Variants in PHF24 observed in about 807,000 individuals in gnomAD.
PHF24 encodes PHD finger protein 24, also known as Galpha inhibitory interacting protein.
Under a neutral mutation model 42.6 loss-of-function variants are expected in PHF24, and 25 were observed. The ratio of observed to expected loss-of-function variants is 0.59; its 90% CI spans 0.43 to 0.82. The LOEUF is 0.82. Among genes scored for constraint, PHF24 ranks in the 40% least tolerant of loss-of-function variants. The probability of loss-of-function intolerance (pLI) is 0.00; values close to 1 mark genes in which losing one functional copy is unlikely to be tolerated. For synonymous variants in PHF24, 185 were observed against 204.8 expected (o/e 0.90, Z 0.83); for missense variants, 470 against 538.1 (o/e 0.87, Z 1.25).
At chr9:34,953,872 G>T (rs1442115235), upstream of PHF24, among the ~76,000 whole-genome samples, 1 of 152,094 alleles carries the variant, frequency 6.6e-6, no homozygotes, top group Non-Finnish European at 1.5e-5. This position sits in a 1 kb window ranked among gnomAD's most constrained non-coding sequence, Gnocchi z 4.1. Flanking sequence ...GGAGGTCAAG[G>T]CTGCAGTGAG....
the PHF24 span, among the ~76,000 whole-genome samples, chr9:34,780,774 C>T: frequency 6.6e-6 from 1 of 152,000 alleles, no homozygotes; most frequent in African/African-American, 2.4e-5. Flanking sequence ...AAAATAAACC[C>T]CAACTTTTAA....
At position 34,976,311 on chromosome 9, in the gene PHF24, G is replaced by C; in HGVS notation, c.643+81G>C. ...GGCTTTCTAGAATGAACCATGAAAG[G>C]AGTGTTCCATATTTAGTGGGTAGAG... On this transcript the variant is annotated intron_variant, in intron 4 of 7. Transcript: ENST00000242315. 4 of 1,270,968 alleles carry C rather than the reference G, an allele frequency of 3.1e-6. No individual in the cohort carries two copies. In the East Asian group the frequency reaches 9.2e-5, roughly 29 times the overall value. The allele number at this position is 1,270,968 out of a possible 1,614,324, so 78.7% of individuals were successfully genotyped here.
chr9:34,977,958 C>G, intron 7 of PHF24, 57 bp from the exon 8 acceptor site: 1 of 1,343,478 alleles, frequency 7.4e-7, no homozygotes, highest in Non-Finnish European at 1.1e-6. Context: ...CCCCTGGGAT[C>G]AGGGCTCACG....
chr9:34,933,840 C>G, the PHF24 span, among the ~76,000 whole-genome samples: 1 of 151,380 alleles, frequency 6.6e-6, no homozygotes, highest in Non-Finnish European at 1.5e-5. Flanking sequence ...GTGGCATGAT[C>G]TTGGCTCACT....
intron 2 of PHF24, among the ~76,000 whole-genome samples, chr9:34,971,906 C>G (rs1373464273): frequency 6.6e-6 from 1 of 152,144 alleles, no homozygotes; most frequent in Non-Finnish European, 1.5e-5. Context: ...GGTCTTCTGT[C>G]GAACCTCCCC....
the PHF24 span, among the ~76,000 whole-genome samples, chr9:34,711,647 A>G: frequency 2.7e-5 from 4 of 150,360 alleles, no homozygotes; most frequent in African/African-American, 9.8e-5. Context: ...GGTTCAAGCC[A>G]TTCTCCTGCC....
At chr9:34,835,120 AG>A in the PHF24 span, 2 of 1,537,070 alleles carry the variant, frequency 1.3e-6, no homozygotes, top group Non-Finnish European at 1.8e-6. Flanking sequence ...CTAGAGCCAT[AG>A]GGTTTGGAGT....
At chr9:34,707,390 A>T in the PHF24 span, among the ~76,000 whole-genome samples, 1 of 152,220 alleles carries the variant, frequency 6.6e-6, no homozygotes, top group South Asian at 2.1e-4. Context: ...AACCCTTGGC[A>T]GGTGGGATCC....
the PHF24 span, among the ~76,000 whole-genome samples, chr9:34,738,296 A>C: frequency 4.6e-5 from 7 of 152,186 alleles, no homozygotes; most frequent in Non-Finnish European, 8.8e-5. Flanking sequence ...TCAACAATAG[A>C]TATCAAAGCA....
chr9:34,761,473 A>C, the PHF24 span, among the ~76,000 whole-genome samples: 1 of 152,226 alleles, frequency 6.6e-6, no homozygotes, highest in Admixed American at 6.5e-5. Context: ...TAAATGGATA[A>C]ATACCGTAGT....
At chr9:34,869,802 G>A in the PHF24 span, among the ~76,000 whole-genome samples, 11 of 152,026 alleles carry the variant, frequency 7.2e-5, no homozygotes, top group Non-Finnish European at 1.0e-4. Context: ...ATAGCCAGAT[G>A]ACCCTAATCT....
At chr9:34,672,684 A>G in the PHF24 span, among the ~76,000 whole-genome samples, 1 of 152,020 alleles carries the variant, frequency 6.6e-6, no homozygotes, top group South Asian at 2.1e-4. Flanking sequence ...ATAATAACCC[A>G]TTACTCCATG....
chr9:34,865,724 G>A, the PHF24 span, among the ~76,000 whole-genome samples: 1 of 152,220 alleles, frequency 6.6e-6, no homozygotes, highest in African/African-American at 2.4e-5. Flanking sequence ...CAAGGTATCA[G>A]CCCAGGGTCT....
chr9:34,768,828 A>T, the PHF24 span, among the ~76,000 whole-genome samples: 29,412 of 151,900 alleles, frequency 0.19, 3,286 homozygotes, highest in African/African-American at 0.3. Context: ...ACTATTGGAA[A>T]GTGGTATGAC....
the PHF24 span, among the ~76,000 whole-genome samples, chr9:34,808,424 T>C: frequency 6.6e-6 from 1 of 152,108 alleles, no homozygotes; most frequent in East Asian, 1.9e-4. Context: ...ATCACACCAC[T>C]GTACTCCAGC....
the PHF24 span, among the ~76,000 whole-genome samples, chr9:34,935,822 A>G: frequency 6.6e-5 from 10 of 151,910 alleles, no homozygotes; most frequent in African/African-American, 1.5e-4. Context: ...TCCAGTACAG[A>G]TAAGAATGAT....
At chr9:34,709,176 G>C in the PHF24 span, 2 of 609,726 alleles carry the variant, frequency 3.3e-6, no homozygotes, top group Non-Finnish European at 5.7e-6. Flanking sequence ...TCCCTCCTCG[G>C]TCTCTCTGGA....
chr9:34,908,463 G>A, the PHF24 span, among the ~76,000 whole-genome samples: 1 of 152,202 alleles, frequency 6.6e-6, no homozygotes, highest in Admixed American at 6.5e-5. Flanking sequence ...TAGTATGTTA[G>A]ATGGTGATAA....
the PHF24 span, among the ~76,000 whole-genome samples, chr9:34,666,962 ACAAC>A: frequency 6.6e-6 from 1 of 152,252 alleles, no homozygotes; most frequent in East Asian, 1.9e-4. Flanking sequence ...ACAAAACAAA[ACAAC>A]CAACAAACAA....
Sources: allele counts gnomAD v4.1 joint callset (sites outside exome capture counted in the v4.1 genomes callset), GRCh38; gene constraint gnomAD v4.1.1; non-coding constraint Gnocchi (gnomAD v3.1); transcripts MANE v1.5; gene names NCBI Gene and HGNC (gene_info 2026-07-23, HGNC 2026-07-21).